DLGAP1: variants seen among roughly 807,000 people sequenced by gnomAD.
The protein encoded by DLGAP1 is DLG associated protein 1, also known as disks large-associated protein 1.
A neutral mutation model predicts 90.8 loss-of-function variants in DLGAP1; 11 were observed. The observed-to-expected ratio is 0.12, with a 90% confidence interval of 0.08 to 0.20. DLGAP1 has a LOEUF of 0.20. Ranked by LOEUF, DLGAP1 falls within the 10% of genes least tolerant of loss-of-function variation. The pLI is 1.00. For synonymous variants in DLGAP1, 558 were observed against 540.7 expected, an observed-to-expected ratio of 1.03 and a Z score of -0.44; for missense variants, 1,050 against 1,333.8, an observed-to-expected ratio of 0.79 and a Z score of 3.31.
intron 7 of DLGAP1, among the ~76,000 whole-genome samples, chr18:3,709,304 G>GAC (rs753107460): frequency 9.2e-5 from 14 of 152,106 alleles, no homozygotes; most frequent in Non-Finnish European, 2.1e-4. Flanking sequence ...ATTTACCGAA[G>GAC]ACACCCCTTT....
intron 5 of DLGAP1, among the ~76,000 whole-genome samples, chr18:3,788,055 C>A (rs1406578345): frequency 6.6e-6 from 1 of 152,200 alleles, no homozygotes; most frequent in Admixed American, 6.5e-5. Context: ...TTGTCTCAGG[C>A]CACTGCATGT....
At chr18:4,406,021 A>C (rs115471507) in intron 1 of DLGAP1, among the ~76,000 whole-genome samples, 1,774 of 152,348 alleles carry the variant, frequency 0.012, 31 homozygotes, top group African/African-American at 0.041. Context: ...TAAACCGTAG[A>C]GGATTCCCAT....
chr18:4,427,611 C>G (rs919154706), intron 1 of DLGAP1, among the ~76,000 whole-genome samples: 2 of 152,088 alleles, frequency 1.3e-5, no homozygotes, highest in African/African-American at 2.4e-5. Flanking sequence ...CACTCAAAGA[C>G]AGTAGGGAGT....
intron 1 of DLGAP1, among the ~76,000 whole-genome samples, chr18:4,198,689 G>C (rs1392165809): frequency 1.3e-5 from 2 of 152,154 alleles, no homozygotes; most frequent in Non-Finnish European, 2.9e-5. Flanking sequence ...CATTTAATCT[G>C]CCAGAAATTT....
intron 1 of DLGAP1, chr18:4,275,258 C>G (rs1205909583): frequency 6.6e-6 from 1 of 152,200 alleles, no homozygotes; most frequent in Non-Finnish European, 1.5e-5. Context: ...ACTTGCTATT[C>G]TAGGAGCTCT....
intron 6 of DLGAP1, among the ~76,000 whole-genome samples, chr18:3,739,529 A>G (rs1638567475): frequency 6.7e-6 from 1 of 148,168 alleles, no homozygotes; most frequent in Non-Finnish European, 1.5e-5. Context: ...CGCAAGAACA[A>G]AAAACCAAAC....
At chr18:4,026,750 AAACT>A (rs2074705256) in intron 2 of DLGAP1, among the ~76,000 whole-genome samples, 1 of 152,198 alleles carries the variant, frequency 6.6e-6, no homozygotes, top group Non-Finnish European at 1.5e-5. Context: ...CTATTCAGTG[AAACT>A]AGTTATCATA....
At chr18:4,431,283 G>A (rs141381990) in intron 1 of DLGAP1, 96 of 152,296 alleles carry the variant, frequency 6.3e-4, no homozygotes, top group African/African-American at 2.1e-3. Flanking sequence ...ACAAAGTCTC[G>A]CCATATGGGA....
At chr18:3,665,355 T>G (rs1296188361) in intron 7 of DLGAP1, among the ~76,000 whole-genome samples, 6 of 152,074 alleles carry the variant, frequency 3.9e-5, no homozygotes, top group African/African-American at 1.4e-4. Context: ...CCATAACCAT[T>G]GCTCTCAGTA....
chr18:4,192,627 T>C (rs1025252983), intron 1 of DLGAP1, among the ~76,000 whole-genome samples: 4 of 152,168 alleles, frequency 2.6e-5, no homozygotes, highest in Non-Finnish European at 4.4e-5. Flanking sequence ...CAATATTATG[T>C]GCCCCTGAGA....
At chr18:4,302,748 T>C (rs1445894224) in intron 1 of DLGAP1, among the ~76,000 whole-genome samples, 2 of 152,186 alleles carry the variant, frequency 1.3e-5, no homozygotes, top group Non-Finnish European at 1.5e-5. Flanking sequence ...CTAATTTCTA[T>C]GAAAAATGAC....
chr18:4,065,872 CA>C (rs1481708434), intron 2 of DLGAP1, among the ~76,000 whole-genome samples: 2 of 151,996 alleles, frequency 1.3e-5, no homozygotes, highest in African/African-American at 4.8e-5. Flanking sequence ...CAATCCTAAG[CA>C]AAAAGAACAA....
At chr18:3,848,647 T>C (rs1343235766) in intron 4 of DLGAP1, among the ~76,000 whole-genome samples, 6 of 152,162 alleles carry the variant, frequency 3.9e-5, no homozygotes, top group Admixed American at 3.9e-4. Context: ...AACAACTGTC[T>C]TCTACGCAGG....
At chr18:4,018,339 C>G (rs969837235) in intron 2 of DLGAP1, among the ~76,000 whole-genome samples, 2 of 152,188 alleles carry the variant, frequency 1.3e-5, no homozygotes, top group Admixed American at 1.3e-4. Flanking sequence ...GTCTTTGTAT[C>G]CCCCGCAGTG....
At chr18:4,432,130 A>AGGG (rs2083295871) in intron 1 of DLGAP1, among the ~76,000 whole-genome samples, 1 of 152,200 alleles carries the variant, frequency 6.6e-6, no homozygotes, top group East Asian at 1.9e-4. Flanking sequence ...CTTTTAGAAA[A>AGGG]CACTTAAAGG....
At chr18:4,449,009 G>C (rs374797466) in intron 1 of DLGAP1, among the ~76,000 whole-genome samples, 4 of 152,284 alleles carry the variant, frequency 2.6e-5, no homozygotes, top group South Asian at 4.1e-4. Flanking sequence ...AGGGGCCACT[G>C]TCTCTGGTCT....
intron 3 of DLGAP1, among the ~76,000 whole-genome samples, chr18:3,927,274 G>A (rs2072413088): frequency 6.6e-6 from 1 of 152,212 alleles, no homozygotes; most frequent in African/African-American, 2.4e-5. Context: ...CTTTTGGAAA[G>A]ACATCAGCTT....
intron 5 of DLGAP1, among the ~76,000 whole-genome samples, chr18:3,782,822 A>C (rs977253553): frequency 6.6e-6 from 1 of 152,210 alleles, no homozygotes; most frequent in African/African-American, 2.4e-5. Flanking sequence ...ACCAAAATTA[A>C]AAATTTTTGT....
At chr18:3,768,172 C>T (rs150524414) in intron 5 of DLGAP1, among the ~76,000 whole-genome samples, 75 of 152,112 alleles carry the variant, frequency 4.9e-4, no homozygotes, top group South Asian at 3.3e-3. Context: ...AACACCTGGA[C>T]GCAGAAATTA....
Sources: gnomAD v4.1 joint callset for allele counts (sites outside exome capture counted in the v4.1 genomes callset) on GRCh38, gnomAD v4.1.1 for gene constraint, MANE v1.5 for transcripts, NCBI Gene and HGNC (gene_info 2026-07-23, HGNC 2026-07-21) for gene names.